GULP1: variants seen among roughly 807,000 people sequenced by gnomAD.
GULP1 encodes the protein PTB domain-containing engulfment adapter protein 1.
Under a neutral mutation model 40.9 loss-of-function variants are expected in GULP1, and 19 were observed. That is an observed-to-expected ratio of 0.46 (90% CI 0.32 to 0.68). GULP1 has a LOEUF of 0.68. Ranked by LOEUF, GULP1 falls within the 30% of genes least tolerant of loss-of-function variation. GULP1 has a pLI of 0.03. For missense variants in GULP1, 312 were observed against 362.2 expected (o/e 0.86, Z 1.12); for synonymous variants, 119 against 117.6 (o/e 1.01, Z -0.08).
chr2:188,344,736 C>T (rs1345872882), intron 1 of GULP1, among the ~76,000 whole-genome samples: 1 of 152,176 alleles, frequency 6.6e-6, no homozygotes, highest in African/African-American at 2.4e-5. Context: ...TCTCATCTCA[C>T]TTGAGCACAG....
At chr2:188,421,750 G>C (rs772508800) in intron 2 of GULP1, among the ~76,000 whole-genome samples, 1 of 152,104 alleles carries the variant, frequency 6.6e-6, no homozygotes, top group South Asian at 2.1e-4. Flanking sequence ...CCACTCCAAT[G>C]CCTGCTTAAT....
Position 188,558,919 on chromosome 2 carries a change from G to C in GULP1, c.400-10320G>C, listed in dbSNP as rs180816451. Among the ~76,000 whole-genome samples the C allele has an allele frequency of 5.3e-5, 8 of 152,280 alleles. No homozygotes were observed. In the East Asian group the frequency reaches 1.5e-3, roughly 29 times the overall value. On this transcript the variant is annotated intron_variant, in intron 7 of 11. Coordinates refer to ENST00000409830, the MANE Select transcript of GULP1 (RefSeq NM_016315.4). ...CACCAAAGCATTCAAGAAGTGACTT[G>C]GGTGCTGTTAAAGGCATTCAGTTTT... is the stretch of plus-strand genomic sequence containing the variant.
chr2:188,536,009 G>A (rs1688853595), intron 6 of GULP1, among the ~76,000 whole-genome samples: 1 of 151,946 alleles, frequency 6.6e-6, no homozygotes, highest in African/African-American at 2.4e-5. Flanking sequence ...AGAAGTGTCT[G>A]TTCATGTCTT....
chr2:188,495,501 C>G (rs1380824486), intron 4 of GULP1, among the ~76,000 whole-genome samples: 3 of 152,018 alleles, frequency 2.0e-5, no homozygotes. Flanking sequence ...CTTATCCAAA[C>G]AAATAATAGT....
At chr2:188,320,646 A>T (rs2039833510) in intron 1 of GULP1, among the ~76,000 whole-genome samples, 1 of 152,178 alleles carries the variant, frequency 6.6e-6, no homozygotes, top group South Asian at 2.1e-4. Context: ...AAAATAAAAC[A>T]AACAGGCTTT....
chr2:188,305,297 A>T (rs1034245962), intron 1 of GULP1, among the ~76,000 whole-genome samples: 3 of 152,210 alleles, frequency 2.0e-5, no homozygotes, highest in African/African-American at 7.2e-5. Flanking sequence ...ATGTTCAGCT[A>T]TCCAGAAGGA....
intron 1 of GULP1, among the ~76,000 whole-genome samples, chr2:188,326,733 T>A (rs1442025543): frequency 6.6e-6 from 1 of 152,178 alleles, no homozygotes; most frequent in Admixed American, 6.6e-5. Context: ...AATGACCTTC[T>A]GGAATACGTT....
At chr2:188,526,598 G>GA (rs891441026) in intron 5 of GULP1, among the ~76,000 whole-genome samples, 4 of 151,230 alleles carry the variant, frequency 2.6e-5, no homozygotes, top group East Asian at 1.9e-4. Context: ...TAAGTTTTAG[G>GA]AAAAAAAAGA....
At chr2:188,530,791 A>G (rs1687341454) in intron 6 of GULP1, among the ~76,000 whole-genome samples, 1 of 152,204 alleles carries the variant, frequency 6.6e-6, no homozygotes, top group African/African-American at 2.4e-5. Flanking sequence ...CAAACACAGT[A>G]CTTTATTCAC....
At chr2:188,485,508 C>G (rs2061788067) in intron 4 of GULP1, among the ~76,000 whole-genome samples, 1 of 151,724 alleles carries the variant, frequency 6.6e-6, no homozygotes, top group African/African-American at 2.4e-5. Context: ...TTAGGATGAC[C>G]TCATAGTAGA....
intron 7 of GULP1, among the ~76,000 whole-genome samples, chr2:188,558,592 C>T (rs1695452450): frequency 1.3e-5 from 2 of 152,118 alleles, no homozygotes; most frequent in South Asian, 4.1e-4. Context: ...AACTGGGTAA[C>T]AGGCAGAGGG....
intron 1 of GULP1, among the ~76,000 whole-genome samples, chr2:188,312,832 C>T (rs901308928): frequency 2.6e-5 from 4 of 152,008 alleles, no homozygotes; most frequent in East Asian, 1.9e-4. Context: ...TTTTAATAAT[C>T]GCCATTTTAT....
intron 2 of GULP1, among the ~76,000 whole-genome samples, chr2:188,420,273 T>C (rs1329112667): frequency 6.6e-6 from 1 of 151,990 alleles, no homozygotes; most frequent in Non-Finnish European, 1.5e-5. Flanking sequence ...TTACTTTGAG[T>C]AGTATGAATA....
At chr2:188,524,620 T>C (rs1019598210) in intron 5 of GULP1, among the ~76,000 whole-genome samples, 4 of 151,134 alleles carry the variant, frequency 2.6e-5, no homozygotes, top group African/African-American at 9.7e-5. Context: ...TTTTTGCTTT[T>C]TTTGTGTGTC....
intron 1 of GULP1, among the ~76,000 whole-genome samples, chr2:188,345,590 G>A (rs1008101166): frequency 2.0e-5 from 3 of 152,206 alleles, no homozygotes; most frequent in African/African-American, 7.2e-5. Flanking sequence ...GTTTTAGCTG[G>A]GTGGTGAATA....
At chr2:188,428,964 T>C (rs907181670) in intron 2 of GULP1, among the ~76,000 whole-genome samples, 4 of 152,126 alleles carry the variant, frequency 2.6e-5, no homozygotes, top group African/African-American at 7.2e-5. Flanking sequence ...TGCCTAGCTC[T>C]GATGATGACA....
chr2:188,298,687 T>C (rs1358342763), intron 1 of GULP1, among the ~76,000 whole-genome samples: 1 of 152,218 alleles, frequency 6.6e-6, no homozygotes, highest in African/African-American at 2.4e-5. Flanking sequence ...AAGGAAGAAC[T>C]ACTAAATTTG....
At chr2:188,559,162 A>G (rs996867428) in intron 7 of GULP1, among the ~76,000 whole-genome samples, 1 of 152,176 alleles carries the variant, frequency 6.6e-6, no homozygotes, top group Admixed American at 6.5e-5. Context: ...CCCGAGGCCT[A>G]GGAGAAAATG....
At chr2:188,442,446 G>A (rs1295152181) in intron 2 of GULP1, among the ~76,000 whole-genome samples, 2 of 152,084 alleles carry the variant, frequency 1.3e-5, no homozygotes, top group Non-Finnish European at 2.9e-5. Flanking sequence ...TTTGCTCTGT[G>A]AATAAAAAGG....
Sources: gnomAD v4.1 joint callset for allele counts (sites outside exome capture counted in the v4.1 genomes callset) on GRCh38, gnomAD v4.1.1 for gene constraint, MANE v1.5 for transcripts, NCBI Gene and HGNC (gene_info 2026-07-23, HGNC 2026-07-21) for gene names.